ZC3H6: variants seen among roughly 807,000 people sequenced by gnomAD.
ZC3H6 encodes zinc finger CCCH-type containing 6, also known as zinc finger CCCH domain-containing protein 6.
ZC3H6 carries 40 observed loss-of-function variants against 107.7 expected under a neutral mutation model. The observed-to-expected ratio is 0.37, with a 90% CI of 0.29 to 0.48. The LOEUF (loss-of-function observed/expected upper bound fraction) is 0.48, where lower values mean the gene tolerates loss of function less well. ZC3H6 is among the 20% of genes least tolerant of loss of function. ZC3H6 has a pLI of 0.98. For missense variants in ZC3H6, 1,267 were observed against 1,410.4 expected (o/e 0.90, Z 1.63); for synonymous variants, 493 against 487.9 (o/e 1.01, Z -0.14).
At chr2:112,284,910 G>C (rs6716010) in intron 1 of ZC3H6, among the ~76,000 whole-genome samples, 99,355 of 151,630 alleles carry the variant, frequency 0.66, 34,539 homozygotes, top group African/African-American at 0.91. Flanking sequence ...TTTTGAGTCT[G>C]AGAAAAAAAA....
At chr2:112,309,808 A>C in intron 3 of ZC3H6, 77 bp from the exon 4 acceptor site, 2 of 1,398,324 alleles carry the variant, frequency 1.4e-6, no homozygotes, top group Admixed American at 5.1e-5. Flanking sequence ...TGCTGGGGGG[A>C]AAAGGATGTC....
At chr2:112,282,185 C>T (rs1686540542) in intron 1 of ZC3H6, among the ~76,000 whole-genome samples, 1 of 152,146 alleles carries the variant, frequency 6.6e-6, no homozygotes, top group African/African-American at 2.4e-5. Context: ...TAAGTTTTCA[C>T]CTGGACAGAT....
At chr2:112,317,821 A>G (rs1676728624) in intron 7 of ZC3H6, among the ~76,000 whole-genome samples, 2 of 152,180 alleles carry the variant, frequency 1.3e-5, no homozygotes, top group Admixed American at 6.5e-5. Flanking sequence ...CACTATATAT[A>G]GTGTTCTGGT....
chr2:112,290,861 G>C (rs1460582514), intron 1 of ZC3H6, among the ~76,000 whole-genome samples: 2 of 152,346 alleles, frequency 1.3e-5, no homozygotes, highest in East Asian at 3.9e-4. Context: ...ATTGGCATAT[G>C]CTGTAAGCAA....
At chr2:112,328,854 G>A (rs933761706) in intron 11 of ZC3H6, among the ~76,000 whole-genome samples, 1 of 151,234 alleles carries the variant, frequency 6.6e-6, no homozygotes, top group Non-Finnish European at 1.5e-5. Context: ...CAGGAGAATC[G>A]CTTGAACCCA....
At chr2:112,289,431 T>G (rs1379418945) in intron 1 of ZC3H6, among the ~76,000 whole-genome samples, 3 of 151,710 alleles carry the variant, frequency 2.0e-5, no homozygotes, top group Non-Finnish European at 4.4e-5. Flanking sequence ...TTCATGCCAT[T>G]CTCCTGCCTC....
intron 1 of ZC3H6, among the ~76,000 whole-genome samples, chr2:112,294,856 A>C (rs1676202288): frequency 6.6e-6 from 1 of 152,200 alleles, no homozygotes; most frequent in South Asian, 2.1e-4. Context: ...ACCATAGGGT[A>C]TTATGATTTT....
chr2:112,286,858 A>G (rs1433764200), intron 1 of ZC3H6, among the ~76,000 whole-genome samples: 3 of 152,208 alleles, frequency 2.0e-5, no homozygotes, highest in Non-Finnish European at 2.9e-5. Flanking sequence ...GGAGAAGCAT[A>G]CTTTGGCTGA....
Position 112,338,890 on chromosome 2 carries a change from TATATATATATATATATATATATAA to T in ZC3H6, c.*6403_*6426del, listed in dbSNP as rs1558961226. ...ATATATATATATATATATATATATATATATATATATATATATATATATAATTTTTTTTTTTTGAGACGGAGTCTT... is the reference window on the plus strand; with the variant it reads ...ATATATATATATATATATATATATATTTTTTTTTTTTTGAGACGGAGTCTT... On this transcript the variant is annotated 3_prime_UTR_variant, in exon 12 of 12. Transcript: ENST00000409871. 3.6e-4 allele frequency: 11 copies of T among 30,528 alleles called. No homozygotes were observed. Among genetic ancestry groups the T allele is most frequent in the African/African-American group, 7.9e-4 (2 of 2,532 alleles). 1.9% of individuals were successfully genotyped at this position (30,528 alleles called of 1,614,324 possible). A position where few individuals can be genotyped will look rare whatever the true frequency, so the allele number is the denominator to read the frequency against.
rs1398869449 is a variant in ZC3H6 at position 112,337,732 on chromosome 2, AC to A, written c.*5246del. ...CCTCCCAGGTTCAAGCAATTCTCCC[AC>A]CTTAGCTTCCTGAGTAGCTGGAACT... On this transcript the variant is annotated 3_prime_UTR_variant, in exon 12 of 12. Transcript: ENST00000409871. 6.7e-6 allele frequency: 1 copy of A among 150,298 alleles called. No individual in the cohort carries two copies. Among genetic ancestry groups the A allele is most frequent in the Non-Finnish European group, 1.5e-5 (1 of 67,674 alleles). 9.3% of individuals were successfully genotyped at this position (150,298 alleles called of 1,614,324 possible). A position where few individuals can be genotyped will look rare whatever the true frequency, so the allele number is the denominator to read the frequency against.
At chr2:112,302,053 T>C (rs970098036) in intron 2 of ZC3H6, among the ~76,000 whole-genome samples, 1 of 151,980 alleles carries the variant, frequency 6.6e-6, no homozygotes, top group African/African-American at 2.4e-5. Flanking sequence ...TCTGAGACTT[T>C]TTGGAGTTTG....
At chr2:112,327,516 G>A (rs1339170212) in intron 11 of ZC3H6, among the ~76,000 whole-genome samples, 1 of 152,066 alleles carries the variant, frequency 6.6e-6, no homozygotes, top group African/African-American at 2.4e-5. Context: ...TTAACTTGAT[G>A]TGATCCCATT....
Position 112,331,844 on chromosome 2 carries a change from C to T in ZC3H6, c.2926C>T (p.Leu976=). ...QKNFDPRLHR[L]PNTESHQVVM... ...AAATTTTGATCCTAGGCTTCACAGACTGCCCAATACAGAGTCTCATCAAGT... is the reference window on the plus strand; with the variant it reads ...AAATTTTGATCCTAGGCTTCACAGATTGCCCAATACAGAGTCTCATCAAGT... The change falls in exon 12 of 12, where the codon CTG becomes TTG. Residue 976 remains leucine (L), a synonymous_variant. Coordinates refer to ENST00000409871, the MANE Select transcript of ZC3H6 (RefSeq NM_198581.3). The T allele has an allele frequency of 1.9e-6, 3 of 1,613,868 alleles. No homozygotes were observed. Among genetic ancestry groups the T allele is most frequent in the Non-Finnish European group, 2.5e-6 (3 of 1,179,892 alleles).
intron 1 of ZC3H6, among the ~76,000 whole-genome samples, chr2:112,286,630 G>T (rs1686616746): frequency 6.6e-6 from 1 of 152,210 alleles, no homozygotes; most frequent in Non-Finnish European, 1.5e-5. Flanking sequence ...TAGAGACGGG[G>T]TTTTGCCATG....
At position 112,333,291 on chromosome 2, in the gene ZC3H6, T is replaced by C. The variant is rs988434050; in HGVS notation, c.*803T>C. ...GCATAATTTATATTGCTTTTTCAAA[T>C]GATGTAGCTGCATTAATTGTGTTCA... is the stretch of plus-strand genomic sequence containing the variant. On this transcript the variant is annotated 3_prime_UTR_variant, in exon 12 of 12. Coordinates refer to ENST00000409871, the MANE Select transcript of ZC3H6 (RefSeq NM_198581.3). 2.6e-5 allele frequency: 4 copies of C among 152,640 alleles called. No homozygotes were observed. Among genetic ancestry groups the C allele is most frequent in the African/African-American group, 9.6e-5 (4 of 41,468 alleles). 9.5% of individuals were successfully genotyped at this position (152,640 alleles called of 1,614,324 possible). A position where few individuals can be genotyped will look rare whatever the true frequency, so the allele number is the denominator to read the frequency against.
At chr2:112,290,338 G>T (rs1676087363) in intron 1 of ZC3H6, among the ~76,000 whole-genome samples, 1 of 152,190 alleles carries the variant, frequency 6.6e-6, no homozygotes, top group Non-Finnish European at 1.5e-5. Context: ...GTTTGCAGAG[G>T]TCCCTTCCCC....
At chr2:112,309,285 T>C (rs529371291) in intron 3 of ZC3H6, among the ~76,000 whole-genome samples, 43 of 152,176 alleles carry the variant, frequency 2.8e-4, no homozygotes, top group Non-Finnish European at 4.3e-4. Flanking sequence ...TTTCACATGC[T>C]TTAGTAAGGA....
At chr2:112,289,364 G>A (rs1227895591) in intron 1 of ZC3H6, among the ~76,000 whole-genome samples, 1 of 136,200 alleles carries the variant, frequency 7.3e-6, no homozygotes, top group South Asian at 2.2e-4. Flanking sequence ...TGTTCTTGTC[G>A]CCCAGGCTGG....
At chr2:112,314,712 A>G (rs562868481) in intron 5 of ZC3H6, among the ~76,000 whole-genome samples, 9 of 152,258 alleles carry the variant, frequency 5.9e-5, no homozygotes, top group South Asian at 2.1e-4. Context: ...TAGAATGCCT[A>G]TGTGAGCTGG....
Sources: allele counts gnomAD v4.1 joint callset (sites outside exome capture counted in the v4.1 genomes callset), GRCh38; gene constraint gnomAD v4.1.1; transcripts MANE v1.5; gene names NCBI Gene and HGNC (gene_info 2026-07-23, HGNC 2026-07-21).